The following SLC4A5 variants were observed in gnomAD, a reference collection of about 807,000 sequenced individuals.
SLC4A5 encodes solute carrier family 4 member 5, also known as electrogenic sodium bicarbonate cotransporter 4.
A neutral mutation model predicts 120.4 loss-of-function variants in SLC4A5; 96 were observed. That is an observed-to-expected ratio of 0.80 (90% CI 0.68 to 0.94). The LOEUF is 0.94. Ranked by LOEUF, SLC4A5 falls within the 40% of genes least tolerant of loss-of-function variation. The pLI is 0.00. For synonymous variants in SLC4A5, 550 were observed against 571.1 expected (o/e 0.96, Z 0.53); for missense variants, 1,259 against 1,459.5 (o/e 0.86, Z 2.24).
At chr2:74,287,117 C>T (rs76074246) in intron 7 of SLC4A5, among the ~76,000 whole-genome samples, 34 of 152,316 alleles carry the variant, frequency 2.2e-4, no homozygotes, top group African/African-American at 7.9e-4. Flanking sequence ...TCAGGTCTTC[C>T]CTTCCTCCAG....
At chr2:74,277,533 G>C (rs1307064340) in intron 8 of SLC4A5, among the ~76,000 whole-genome samples, 3 of 152,110 alleles carry the variant, frequency 2.0e-5, no homozygotes, top group Non-Finnish European at 4.4e-5. Flanking sequence ...TGGGTGACAG[G>C]GCGAGACTCC....
At chr2:74,256,601 C>T (rs115692408) in intron 12 of SLC4A5, among the ~76,000 whole-genome samples, 1,980 of 152,294 alleles carry the variant, frequency 0.013, 43 homozygotes, top group African/African-American at 0.046. Flanking sequence ...GAAGGTCACA[C>T]AGGCAGAGCC....
At chr2:74,226,879 G>A in intron 27 of SLC4A5, 78 bp downstream of exon 27, 2 of 1,501,050 alleles carry the variant, frequency 1.3e-6, no homozygotes, top group Non-Finnish European at 9.1e-7. Flanking sequence ...AAGGTGGCAG[G>A]AGGGGAGGTT....
At chr2:74,262,273 G>A (rs1326159620) in intron 10 of SLC4A5, 41 bp from the exon 11 acceptor site, 22 of 1,577,244 alleles carry the variant, frequency 1.4e-5, no homozygotes, top group Non-Finnish European at 1.9e-5. Context: ...CGACAGCCTT[G>A]CTGGTGTAGC....
At chr2:74,266,487 T>G (rs1200493778) in intron 8 of SLC4A5, among the ~76,000 whole-genome samples, 1 of 152,186 alleles carries the variant, frequency 6.6e-6, no homozygotes, top group African/African-American at 2.4e-5. Context: ...CAGGCTGGTC[T>G]CGAACTCCTG....
At chr2:74,325,385 A>G (rs749984129) in intron 5 of SLC4A5, among the ~76,000 whole-genome samples, 2 of 152,200 alleles carry the variant, frequency 1.3e-5, no homozygotes, top group Non-Finnish European at 2.9e-5. Context: ...TTCCTGCTTC[A>G]TGTCCTCTGT....
intron 9 of SLC4A5, 141 bp downstream of exon 9, chr2:74,264,963 A>G: frequency 1.1e-6 from 1 of 925,160 alleles, no homozygotes; most frequent in East Asian, 2.5e-5. Flanking sequence ...CCCTGGGAGC[A>G]ACAGAGTCAA....
chr2:74,239,329 G>A lies in SLC4A5; in HGVS notation c.2319+6C>T. 6.2e-7 allele frequency: 1 copy of A among 1,614,050 alleles called. No individual in the cohort carries two copies. Among genetic ancestry groups the A allele is most frequent in the Non-Finnish European group, 8.5e-7 (1 of 1,179,878 alleles). On this transcript the variant is annotated splice_donor_region_variant and intron_variant, in intron 21 of 30. Coordinates refer to ENST00000394019, the Ensembl canonical transcript of SLC4A5. ...AGGTCCCCTCCTAACTGCAGGGTGAGCTTACCTTGGTAGGAAAATAGCGGC... is the reference window on the plus strand; with the variant it reads ...AGGTCCCCTCCTAACTGCAGGGTGAACTTACCTTGGTAGGAAAATAGCGGC...
chr2:74,315,949 G>C (rs907268515), intron 5 of SLC4A5, among the ~76,000 whole-genome samples: 2 of 151,948 alleles, frequency 1.3e-5, no homozygotes, highest in African/African-American at 4.8e-5. Context: ...TAAATAATAA[G>C]AATAGTTAAC....
intron 25 of SLC4A5, among the ~76,000 whole-genome samples, chr2:74,230,095 C>T (rs993682916): frequency 6.6e-6 from 1 of 152,102 alleles, no homozygotes; most frequent in African/African-American, 2.4e-5. Flanking sequence ...CCACCTCGGC[C>T]TCCCAAAGTC....
chr2:74,265,150 C>G (rs968962679), exon 9 of SLC4A5: 2 of 1,614,118 alleles, frequency 1.2e-6, no homozygotes, highest in African/African-American at 2.7e-5. Context: ...GCAGCACCGT[C>G]CCCGTCTGCA....
intron 4 of SLC4A5, among the ~76,000 whole-genome samples, chr2:74,332,326 A>C (rs1057364395): frequency 6.7e-6 from 1 of 148,262 alleles, no homozygotes; most frequent in Non-Finnish European, 1.5e-5. Flanking sequence ...CTGAAGCAAA[A>C]TAAACATACA....
At chr2:74,254,096 C>T (rs2177705) in intron 14 of SLC4A5, among the ~76,000 whole-genome samples, 11,345 of 152,152 alleles carry the variant, frequency 0.075, 625 homozygotes, top group East Asian at 0.32. Flanking sequence ...TTGGCACAAA[C>T]GGAAAAAGAG....
intron 2 of SLC4A5, 104 bp from the exon 3 acceptor site, chr2:74,339,007 A>G (rs1159820466): frequency 6.6e-6 from 1 of 152,218 alleles, no homozygotes; most frequent in Non-Finnish European, 1.5e-5. Flanking sequence ...AAGGATTTTA[A>G]CAAGGGCCTG....
At chr2:74,289,169 T>C (rs898342512) in intron 7 of SLC4A5, among the ~76,000 whole-genome samples, 4 of 152,216 alleles carry the variant, frequency 2.6e-5, no homozygotes, top group African/African-American at 9.6e-5. Context: ...GTTCACACAA[T>C]GGGCTCCTGG....
rs140008259 is a variant in SLC4A5 at position 74,266,145 on chromosome 2, A to C, written c.402-881T>G. The stretch of plus-strand genomic sequence containing the variant: ...AAATGAAGAGAAATGGGGATGGGGC[A>C]TGCCTTAGCACATATAGAAACTTGC... On this transcript the variant is annotated intron_variant, in intron 8 of 30. Transcript: ENST00000394019. Among the ~76,000 whole-genome samples, 346 of 152,338 alleles carry C rather than the reference A, an allele frequency of 2.3e-3. 2 individuals carry two copies. The highest frequency in any genetic ancestry group is 3.6e-3 in the Non-Finnish European group (242 of 68,026).
At chr2:74,264,354 T>A in intron 9 of SLC4A5, 55 bp from the exon 10 acceptor site, 1 of 1,549,014 alleles carries the variant, frequency 6.5e-7, no homozygotes, top group Non-Finnish European at 8.7e-7. Context: ...CTCCAGGGTA[T>A]GGAAGTCTTC....
intron 12 of SLC4A5, among the ~76,000 whole-genome samples, chr2:74,257,019 T>C (rs1250523989): frequency 2.0e-5 from 3 of 152,166 alleles, no homozygotes; most frequent in Non-Finnish European, 4.4e-5. Context: ...GGCCTGTTTC[T>C]CACAGCCTCA....
chr2:74,267,093 T>G (rs1000533309), intron 8 of SLC4A5, among the ~76,000 whole-genome samples: 1 of 152,246 alleles, frequency 6.6e-6, no homozygotes, highest in African/African-American at 2.4e-5. Flanking sequence ...AATCATGGAC[T>G]TTTAAATTAC....
Sources: allele counts gnomAD v4.1 joint callset (sites outside exome capture counted in the v4.1 genomes callset), GRCh38; gene constraint gnomAD v4.1.1; transcripts MANE v1.5; gene names NCBI Gene and HGNC (gene_info 2026-07-23, HGNC 2026-07-21).